The following DYSF variants were observed in gnomAD, a reference collection of about 807,000 sequenced individuals.
DYSF encodes the protein dysferlin.
DYSF carries 212 observed loss-of-function variants against 274.9 expected under a neutral mutation model. That is an observed-to-expected ratio of 0.77 (90% CI 0.69 to 0.86). The LOEUF (loss-of-function observed/expected upper bound fraction) is 0.86, where lower values mean the gene tolerates loss of function less well. Among genes scored for constraint, DYSF ranks in the 40% least tolerant of loss-of-function variants. DYSF has a pLI of 0.00. For missense variants in DYSF, 2,666 were observed against 2,783.2 expected (o/e 0.96, Z 0.95); for synonymous variants, 1,091 against 1,078.7 (o/e 1.01, Z -0.22).
intron 41 of DYSF, among the ~76,000 whole-genome samples, chr2:71,630,773 C>T (rs1054436514): frequency 2.0e-5 from 3 of 152,228 alleles, no homozygotes; most frequent in Non-Finnish European, 4.4e-5. Flanking sequence ...GCTTTAGTCC[C>T]TAAGCCTAGG....
chr2:71,556,377 G>A (rs938034168), intron 22 of DYSF, among the ~76,000 whole-genome samples: 2 of 152,214 alleles, frequency 1.3e-5, no homozygotes, highest in Admixed American at 1.3e-4. Context: ...TCTCCAGGAG[G>A]AGCTGGCTGG....
Position 71,660,540 on chromosome 2 carries a change from T to C in DYSF, c.4912-20T>C, listed in dbSNP as rs1422253859. 3.7e-6 allele frequency: 6 copies of C among 1,604,270 alleles called. No homozygotes were observed. The highest frequency in any genetic ancestry group is 2.7e-5 in the African/African-American group (2 of 74,752). ...GGTTTGGAAAGTGTTTTCACAGAAG[T>C]GTTTTGTCTCCTCCTCCAGTGTGAT... is the stretch of plus-strand genomic sequence containing the variant. On this transcript the variant is annotated intron_variant, in intron 44 of 55. Transcript: ENST00000410020.
intron 36 of DYSF, among the ~76,000 whole-genome samples, chr2:71,610,042 T>G (rs951179024): frequency 2.6e-5 from 4 of 152,242 alleles, no homozygotes; most frequent in African/African-American, 9.6e-5. Flanking sequence ...ATGTGCAGGT[T>G]GGGCACTGCA....
At chr2:71,587,214 G>A (rs2093100107) in intron 30 of DYSF, among the ~76,000 whole-genome samples, 2 of 152,168 alleles carry the variant, frequency 1.3e-5, no homozygotes, top group Non-Finnish European at 2.9e-5. Context: ...GGTTGCCAGC[G>A]CTGCAGGGCC....
chr2:71,494,761 C>T (rs78444832), intron 3 of DYSF, among the ~76,000 whole-genome samples: 5,697 of 152,328 alleles, frequency 0.037, 107 homozygotes, highest in Middle Eastern at 0.075. Flanking sequence ...GGTTGGGTGT[C>T]TCATCTCTTC....
At position 71,590,021 on chromosome 2, in the gene DYSF, A is replaced by C. The variant is rs574130974; in HGVS notation, c.3497-190A>C. 3.1e-3 allele frequency among the ~76,000 whole-genome samples: 478 copies of C among 151,936 alleles called. 2 individuals are homozygous for C. The highest frequency in any genetic ancestry group is 5.8e-3 in the Non-Finnish European group (393 of 67,962). ...CCCTAGGCTGGCCCAAGGACATGTT[A>C]ATTAGTCAGGTGTCCGCTTTCAAGC... On this transcript the variant is annotated intron_variant, in intron 31 of 55. Coordinates refer to ENST00000410020, the MANE Select transcript of DYSF (RefSeq NM_001130987.2).
intron 3 of DYSF, among the ~76,000 whole-genome samples, chr2:71,495,303 G>A (rs2084270021): frequency 6.6e-6 from 1 of 152,218 alleles, no homozygotes; most frequent in Non-Finnish European, 1.5e-5. Context: ...GTCTCAGAAA[G>A]TTTATGTCAT....
At chr2:71,544,125 T>C (rs1231295201) in intron 17 of DYSF, among the ~76,000 whole-genome samples, 1 of 152,250 alleles carries the variant, frequency 6.6e-6, no homozygotes, top group African/African-American at 2.4e-5. Context: ...TCCAAATCAT[T>C]TTCTGTAATA....
In DYSF at chr2:71,667,409, C is replaced by T. The variant is rs765448445; in HGVS notation, c.5351C>T (p.Pro1784Leu). Residue 1784 changes from proline to leucine, a missense_variant, in exon 48 of 56, where the codon CCA becomes CTA. This residue lies in a region of DYSF where 1,460 missense variants were observed against 1,502.1 expected (regional missense o/e 0.97). Coordinates refer to ENST00000410020, the MANE Select transcript of DYSF (RefSeq NM_001130987.2). ...AGGATCCCAAACCCACACCTGGGCC[C>T]AGTGGAGGAGCGTCTGGCTCTGCAT... is the stretch of plus-strand genomic sequence containing the variant. ...AGRIPNPHLG[P>L]VEERLALHVL... 2 of 1,614,124 alleles carry T rather than the reference C, an allele frequency of 1.2e-6. No individual in the cohort carries two copies. The highest frequency in any genetic ancestry group is 2.2e-5 in the East Asian group (1 of 44,876).
At chr2:71,511,342 A>G (rs572207548) in intron 4 of DYSF, among the ~76,000 whole-genome samples, 1 of 152,312 alleles carries the variant, frequency 6.6e-6, no homozygotes, top group Admixed American at 6.5e-5. Flanking sequence ...AAGTAGGGGC[A>G]AGCCATTGAC....
At chr2:71,610,897 G>GTGTGTGCACGCATATGC (rs1491432145) in intron 36 of DYSF, 3 of 367,896 alleles carry the variant, frequency 8.2e-6, no homozygotes, top group Non-Finnish European at 1.6e-5. Flanking sequence ...GGAATAGGCA[G>GTGTGTGCACGCATATGC]TGTGTGCACG....
intron 41 of DYSF, among the ~76,000 whole-genome samples, chr2:71,633,169 C>T (rs1008858650): frequency 3.3e-5 from 5 of 152,120 alleles, no homozygotes; most frequent in Admixed American, 6.5e-5. Context: ...GCTGAATCAA[C>T]GTGGTGGCTG....
At chr2:71,537,278 C>T (rs1215356242) in intron 16 of DYSF, among the ~76,000 whole-genome samples, 1 of 117,200 alleles carries the variant, frequency 8.5e-6, no homozygotes, top group South Asian at 2.8e-4. Context: ...TGGAGTTTCG[C>T]TCTTGTCACC....
intron 14 of DYSF, among the ~76,000 whole-genome samples, chr2:71,530,886 G>T (rs778527688): frequency 5.3e-5 from 8 of 152,010 alleles, no homozygotes; most frequent in Admixed American, 3.9e-4. Flanking sequence ...ACCCACCCCA[G>T]CTGGCCTTCT....
At chr2:71,468,645 C>T (rs2081725943) in intron 1 of DYSF, among the ~76,000 whole-genome samples, 1 of 152,218 alleles carries the variant, frequency 6.6e-6, no homozygotes, top group Non-Finnish European at 1.5e-5. Context: ...AATGTAACAT[C>T]TCCAACCGTT....
intron 4 of DYSF, 92 bp downstream of exon 4, chr2:71,503,411 A>T: frequency 7.7e-7 from 1 of 1,304,932 alleles, no homozygotes; most frequent in Non-Finnish European, 1.1e-6. Context: ...CCAGACATGC[A>T]TCTGACTTCA....
chr2:71,682,738 T>C lies in DYSF; in HGVS notation c.6321+61T>C, dbSNP rs1431240935. The stretch of plus-strand genomic sequence containing the variant: ...CTGGGTCTAATGGGGGAGTTCATCA[T>C]TGTCCTCAAAGAGCTCTCCCAGTCT... On this transcript the variant is annotated intron_variant, in intron 55 of 55. Coordinates refer to ENST00000410020, the MANE Select transcript of DYSF (RefSeq NM_001130987.2). 1.9e-6 allele frequency: 3 copies of C among 1,570,208 alleles called. No homozygotes were observed. The African/African-American group carries it at 4.1e-5, about 21-fold the overall frequency.
intron 4 of DYSF, among the ~76,000 whole-genome samples, chr2:71,505,476 T>C (rs77767189): frequency 0.018 from 2,726 of 152,282 alleles, 81 homozygotes; most frequent in African/African-American, 0.061. Flanking sequence ...GTGGGATCCT[T>C]AGGAAACTCT....
intron 30 of DYSF, among the ~76,000 whole-genome samples, chr2:71,584,202 G>C (rs1440268329): frequency 1.3e-5 from 2 of 151,856 alleles, no homozygotes; most frequent in Non-Finnish European, 2.9e-5. Context: ...GGGGGTGAAG[G>C]GTGGGTGGGC....
Sources: allele counts gnomAD v4.1 joint callset (sites outside exome capture counted in the v4.1 genomes callset), GRCh38; gene constraint gnomAD v4.1.1; regional missense constraint gnomAD v4.1.1; transcripts MANE v1.5; gene names NCBI Gene and HGNC (gene_info 2026-07-23, HGNC 2026-07-21).